CSNK1G2: variants seen among roughly 807,000 people sequenced by gnomAD.
CSNK1G2 encodes the protein casein kinase I isoform gamma-2.
A neutral mutation model predicts 48.0 loss-of-function variants in CSNK1G2; 11 were observed. That is an observed-to-expected ratio of 0.23 (90% CI 0.14 to 0.38). The LOEUF (loss-of-function observed/expected upper bound fraction) is 0.38, where lower values mean the gene tolerates loss of function less well. Among genes scored for constraint, CSNK1G2 ranks in the 10% least tolerant of loss-of-function variants. The pLI, the probability that CSNK1G2 is intolerant of heterozygous loss-of-function variation, is 1.00. For missense variants in CSNK1G2, 446 were observed against 595.5 expected, an observed-to-expected ratio of 0.75 and a Z score of 2.61; for synonymous variants, 337 against 254.1, an observed-to-expected ratio of 1.33 and a Z score of -3.10.
chr19:1,953,944 G>A (rs758359606), intron 1 of CSNK1G2: 10 of 533,786 alleles, frequency 1.9e-5, no homozygotes, highest in Non-Finnish European at 3.1e-5. Context: ...GCGCGGTGAG[G>A]TTGGCTTCTG....
At chr19:1,975,869 C>T in intron 2 of CSNK1G2, 2 of 781,954 alleles carry the variant, frequency 2.6e-6, no homozygotes, top group African/African-American at 1.9e-5. Context: ...AAGCCCATCT[C>T]TAGTAAAAAT....
At position 1,979,330 on chromosome 19, in the gene CSNK1G2, C is replaced by A; in HGVS notation, c.780C>A (p.Leu260=). The A allele has an allele frequency of 1.9e-6, 3 of 1,603,094 alleles. No homozygotes were observed. The highest frequency in any genetic ancestry group is 2.6e-6 in the Non-Finnish European group (3 of 1,176,064). Reference sequence around the variant, plus strand: ...ACAGACCCCCGCAGGCCGACACGCTCAAGGAGCGGTACCAGAAGATCGGGG... The same window carrying A: ...ACAGACCCCCGCAGGCCGACACGCTAAAGGAGCGGTACCAGAAGATCGGGG... ...LPWQGLKADT[L]KERYQKIGDT... The change falls in exon 8 of 12, where the codon CTC becomes CTA. Residue 260 remains leucine, a synonymous_variant. Transcript: ENST00000255641.
intron 1 of CSNK1G2, among the ~76,000 whole-genome samples, chr19:1,949,991 C>CG (rs1315111047): frequency 5.3e-5 from 8 of 152,234 alleles, no homozygotes; most frequent in South Asian, 2.1e-4. Flanking sequence ...CCGTGACCTT[C>CG]GCCACAGCGA....
Position 1,980,450 on chromosome 19 carries a change from A to C in CSNK1G2, c.*247A>C, listed in dbSNP as rs1163251602. On this transcript the variant is annotated 3_prime_UTR_variant, in exon 12 of 12. Transcript: ENST00000255641. The stretch of plus-strand genomic sequence containing the variant: ...CTAGTCCTCCCCTCCAAGAGCATTA[A>C]CTATTTAAAACAAGGAAAAGAGGAA... 6 of 558,632 alleles carry C rather than the reference A, an allele frequency of 1.1e-5. No homozygotes were observed. The highest frequency in any genetic ancestry group is 1.9e-5 in the African/African-American group (1 of 51,844). The allele number at this position is 558,632 out of a possible 1,614,324, so 34.6% of individuals were successfully genotyped here. A position where few individuals can be genotyped will look rare whatever the true frequency, so the allele number is the denominator to read the frequency against.
intron 1 of CSNK1G2, among the ~76,000 whole-genome samples, chr19:1,964,023 GC>G (rs1014208354): frequency 3.6e-4 from 54 of 152,110 alleles, no homozygotes; most frequent in African/African-American, 1.3e-3. Context: ...CACCATGTTG[GC>G]CAGGCTTGTC....
At chr19:1,974,191 C>G (rs2015673729) in intron 2 of CSNK1G2, among the ~76,000 whole-genome samples, 1 of 152,144 alleles carries the variant, frequency 6.6e-6, no homozygotes, top group South Asian at 2.1e-4. Context: ...TGCACCTGGC[C>G]AGATCATTTA....
chr19:1,941,534 C>G (rs1038793258), intron 1 of CSNK1G2, 116 bp downstream of exon 1: 1 of 144,462 alleles, frequency 6.9e-6, no homozygotes, highest in African/African-American at 2.5e-5. Flanking sequence ...CCTCCTGCGC[C>G]CTGCCGACCC....
At chr19:1,953,965 G>A (rs1328747806) in intron 1 of CSNK1G2, 5 of 533,662 alleles carry the variant, frequency 9.4e-6, no homozygotes, top group African/African-American at 5.8e-5. Context: ...CCATGGACGG[G>A]GCCTTCTCGT....
In CSNK1G2 at chr19:1,969,609, G is replaced by T. The variant is rs533048080; in HGVS notation, c.-164G>T. 7 of 533,342 alleles carry T rather than the reference G, an allele frequency of 1.3e-5. No individual in the cohort carries two copies. The South Asian group carries it at 7.4e-4, about 56-fold the overall frequency. The allele number at this position is 533,342 out of a possible 1,614,324, so 33.0% of individuals were successfully genotyped here. On this transcript the variant is annotated 5_prime_UTR_variant, in exon 2 of 12. Coordinates refer to ENST00000255641, the MANE Select transcript of CSNK1G2 (RefSeq NM_001319.7). ...CTGAGAAGAGCAGCGCGGCCTGGCC[G>T]GCCCGAACGCCTGCGTCTCAGTAGC... is the stretch of plus-strand genomic sequence containing the variant.
chr19:1,945,809 G>T (rs577347498), intron 1 of CSNK1G2, among the ~76,000 whole-genome samples: 1 of 140,868 alleles, frequency 7.1e-6, no homozygotes, highest in African/African-American at 2.6e-5. Flanking sequence ...GCAACAGAGC[G>T]AGACTCCGTC....
At chr19:1,962,156 C>T (rs2015219106) in intron 1 of CSNK1G2, among the ~76,000 whole-genome samples, 1 of 151,888 alleles carries the variant, frequency 6.6e-6, no homozygotes, top group Non-Finnish European at 1.5e-5. Context: ...ATGGTGAAAC[C>T]CCGTGTCTGC....
chr19:1,960,032 C>A (rs12980679), intron 1 of CSNK1G2, among the ~76,000 whole-genome samples: 18,833 of 152,206 alleles, frequency 0.12, 1,427 homozygotes, highest in East Asian at 0.21. Flanking sequence ...AAGGGCATAA[C>A]CTGGGGGAAG....
chr19:1,946,286 A>T (rs954860678), intron 1 of CSNK1G2, among the ~76,000 whole-genome samples: 9 of 140,570 alleles, frequency 6.4e-5, no homozygotes, highest in Admixed American at 2.1e-4. Flanking sequence ...TTATTTATTT[A>T]TTTTTTATTT....
intron 2 of CSNK1G2, among the ~76,000 whole-genome samples, chr19:1,972,620 CTTTGT>C (rs766160970): frequency 6.6e-6 from 1 of 152,076 alleles, no homozygotes; most frequent in African/African-American, 2.4e-5. Context: ...CTTTGCTTTG[CTTTGT>C]TTTGTTTTGT....
At chr19:1,970,990 G>A (rs931780522) in intron 2 of CSNK1G2, among the ~76,000 whole-genome samples, 7 of 152,198 alleles carry the variant, frequency 4.6e-5, no homozygotes, top group African/African-American at 1.2e-4. Flanking sequence ...CTTCAAGAGC[G>A]GCCGCCCAGG....
chr19:1,978,428 T>C lies in CSNK1G2; in HGVS notation c.229-14T>C, dbSNP rs368710908. The C allele has an allele frequency of 4.0e-5, 65 of 1,611,000 alleles. No homozygotes were observed. Among genetic ancestry groups the C allele is most frequent in the Non-Finnish European group, 5.2e-5 (61 of 1,179,252 alleles). The stretch of plus-strand genomic sequence containing the variant: ...GCGACCCGGTCCCCTGGTGACTCGC[T>C]CTTGTGCCCCCAGGAGCCGATCAAG... On this transcript the variant is annotated splice_polypyrimidine_tract_variant and intron_variant, in intron 3 of 11. Transcript: ENST00000255641. The surrounding 1 kb of genome is among the most constrained non-coding windows in gnomAD (Gnocchi z 7.3).
At chr19:1,980,048 G>A (rs376753385) in intron 11 of CSNK1G2, 31 bp downstream of exon 11, 1 of 1,584,728 alleles carries the variant, frequency 6.3e-7, no homozygotes, top group Non-Finnish European at 8.6e-7. Context: ...CTTCGGGGAG[G>A]TGGGGGTGCC....
At chr19:1,943,507 GT>G (rs1329099137) in intron 1 of CSNK1G2, among the ~76,000 whole-genome samples, 1 of 152,120 alleles carries the variant, frequency 6.6e-6, no homozygotes, top group Non-Finnish European at 1.5e-5. Context: ...GTAGGCGAGG[GT>G]TTTTTTAATT....
chr19:1,970,804 C>T, intron 2 of CSNK1G2, among the ~76,000 whole-genome samples: 1 of 152,190 alleles, frequency 6.6e-6, no homozygotes, highest in Non-Finnish European at 1.5e-5. Context: ...TGGTGGGAAT[C>T]AGGGTCCCTG....
Sources: gnomAD v4.1 joint callset for allele counts (sites outside exome capture counted in the v4.1 genomes callset) on GRCh38, gnomAD v4.1.1 for gene constraint, Gnocchi (gnomAD v3.1) non-coding constraint, MANE v1.5 for transcripts, NCBI Gene and HGNC (gene_info 2026-07-23, HGNC 2026-07-21) for gene names.